KLRG1: variants seen among roughly 807,000 people sequenced by gnomAD.
The protein encoded by KLRG1 is killer cell lectin-like receptor subfamily G member 1.
KLRG1 carries 16 observed loss-of-function variants against 21.8 expected under a neutral mutation model. That is an observed-to-expected ratio of 0.73 (90% confidence interval 0.50 to 1.11). The LOEUF is 1.11. KLRG1 is among the 50% of genes most tolerant of loss of function. KLRG1 has a pLI of 0.00. For missense variants in KLRG1, 173 were observed against 218.3 expected (o/e 0.79, Z 1.31); for synonymous variants, 69 against 75.9 (o/e 0.91, Z 0.47).
chr12:9,038,388 A>G, the KLRG1 span, among the ~76,000 whole-genome samples: 1 of 152,210 alleles, frequency 6.6e-6, no homozygotes, highest in Non-Finnish European at 1.5e-5. Context: ...CATGTTTATC[A>G]GGGAAGCCTT....
chr12:9,084,156 C>T, the KLRG1 span, among the ~76,000 whole-genome samples: 2 of 152,122 alleles, frequency 1.3e-5, no homozygotes, highest in Middle Eastern at 3.4e-3. Context: ...CTAAGGGAGT[C>T]GTCAACATTA....
At chr12:9,128,373 A>G in the KLRG1 span, 1 of 156,792 alleles carries the variant, frequency 6.4e-6, no homozygotes, top group Middle Eastern at 2.1e-3. Flanking sequence ...CGAGTCGCGG[A>G]CCGGTGGCGT....
chr12:9,091,051 G>T, the KLRG1 span: 1 of 1,011,728 alleles, frequency 9.9e-7, no homozygotes. Context: ...GTGCAATTTG[G>T]TATTTGGAGA....
the KLRG1 span, chr12:9,166,881 G>C: frequency 6.6e-6 from 1 of 152,146 alleles, no homozygotes; most frequent in Non-Finnish European, 1.5e-5. Context: ...TTTTGTCCAC[G>C]TTGTGCCTGA....
chr12:9,076,307 T>C, the KLRG1 span, among the ~76,000 whole-genome samples: 1 of 152,234 alleles, frequency 6.6e-6, no homozygotes, highest in East Asian at 1.9e-4. Flanking sequence ...AATTCATTTA[T>C]TACAACAGCT....
At chr12:9,141,178 A>C in the KLRG1 span, among the ~76,000 whole-genome samples, 1 of 152,204 alleles carries the variant, frequency 6.6e-6, no homozygotes, top group African/African-American at 2.4e-5. Flanking sequence ...GATAACGTAC[A>C]CTAAGATATA....
intron 3 of KLRG1, among the ~76,000 whole-genome samples, chr12:8,997,919 TG>T (rs1327704204): frequency 1.3e-5 from 2 of 151,808 alleles, no homozygotes; most frequent in Admixed American, 6.6e-5. Flanking sequence ...CCCAAGTAAC[TG>T]GGGTTACAGG....
intron 1 of KLRG1, among the ~76,000 whole-genome samples, chr12:8,956,444 T>C (rs1946295539): frequency 6.6e-6 from 1 of 151,956 alleles, no homozygotes; most frequent in Non-Finnish European, 1.5e-5. Context: ...CCCACCGCAT[T>C]TTTTTTTCTT....
the KLRG1 span, chr12:9,099,317 C>T: frequency 2.0e-6 from 3 of 1,486,716 alleles, no homozygotes; most frequent in Non-Finnish European, 2.8e-6. Context: ...ATGTGTAAAA[C>T]AAATGATAAC....
At chr12:9,151,530 G>A in the KLRG1 span, 26 of 1,235,792 alleles carry the variant, frequency 2.1e-5, no homozygotes, top group Admixed American at 7.7e-5. Context: ...TCATGTTACC[G>A]ACTATTCTAG....
intron 1 of KLRG1, among the ~76,000 whole-genome samples, chr12:8,971,429 G>C (rs755161273): frequency 6.6e-6 from 1 of 151,644 alleles, no homozygotes; most frequent in African/African-American, 2.4e-5. Flanking sequence ...TAGCAATATA[G>C]CCTCTCCATT....
At chr12:9,158,730 A>G in the KLRG1 span, among the ~76,000 whole-genome samples, 1 of 139,184 alleles carries the variant, frequency 7.2e-6, no homozygotes, top group Non-Finnish European at 1.6e-5. Flanking sequence ...TAGCTTAGAC[A>G]TCTCTTTTTC....
the KLRG1 span, among the ~76,000 whole-genome samples, chr12:9,149,795 G>T: frequency 6.6e-6 from 1 of 152,182 alleles, no homozygotes; most frequent in Admixed American, 6.5e-5. Flanking sequence ...TGGAGATGGG[G>T]ACTGAAGCCT....
the KLRG1 span, among the ~76,000 whole-genome samples, chr12:9,081,681 G>A: frequency 6.6e-6 from 1 of 152,338 alleles, no homozygotes; most frequent in East Asian, 1.9e-4. Context: ...CAGATAGAGA[G>A]GAGTTCCCTG....
At chr12:9,110,006 C>A in the KLRG1 span, 1 of 1,612,830 alleles carries the variant, frequency 6.2e-7, no homozygotes, top group Non-Finnish European at 8.5e-7. Context: ...GGAAACTCTG[C>A]CATTGTGCGA....
At chr12:9,093,430 A>T in the KLRG1 span, 1 of 1,400,308 alleles carries the variant, frequency 7.1e-7, no homozygotes, top group Non-Finnish European at 1.0e-6. Context: ...AGGGACCTCT[A>T]TTGTTGCATA....
At chr12:9,111,960 C>T in the KLRG1 span, 1 of 743,336 alleles carries the variant, frequency 1.3e-6, no homozygotes, top group Non-Finnish European at 2.5e-6. Context: ...GACTGAGTAC[C>T]AGCACCAAGA....
the KLRG1 span, among the ~76,000 whole-genome samples, chr12:9,160,795 G>A: frequency 6.6e-6 from 1 of 151,916 alleles, no homozygotes; most frequent in East Asian, 1.9e-4. Flanking sequence ...GGCGCCTGTA[G>A]TCCCAGCTAC....
At chr12:9,187,598 A>G in the KLRG1 span, among the ~76,000 whole-genome samples, 1 of 152,208 alleles carries the variant, frequency 6.6e-6, no homozygotes, top group African/African-American at 2.4e-5. Flanking sequence ...AAATAATGAA[A>G]TTTTGGCAGA....
Sources: allele counts gnomAD v4.1 joint callset (sites outside exome capture counted in the v4.1 genomes callset), GRCh38; gene constraint gnomAD v4.1.1; transcripts MANE v1.5; gene names NCBI Gene and HGNC (gene_info 2026-07-23, HGNC 2026-07-21).